MBNL2: variants seen among roughly 807,000 people sequenced by gnomAD.
MBNL2 encodes the protein muscleblind-like protein 2.
Under a neutral mutation model 41.9 loss-of-function variants are expected in MBNL2, and 17 were observed. The ratio of observed to expected loss-of-function variants is 0.41; its 90% confidence interval spans 0.28 to 0.61. The LOEUF (loss-of-function observed/expected upper bound fraction) is 0.61, where lower values mean the gene tolerates loss of function less well. MBNL2 is among the 20% of genes least tolerant of loss of function. MBNL2 has a pLI of 0.35. For missense variants in MBNL2, 336 were observed against 505.6 expected (o/e 0.66, Z 3.22); for synonymous variants, 195 against 182.9 (o/e 1.07, Z -0.53).
chr13:97,331,632 T>C (rs1047676394), intron 2 of MBNL2, among the ~76,000 whole-genome samples: 1 of 152,342 alleles, frequency 6.6e-6, no homozygotes, highest in South Asian at 2.1e-4. Context: ...CAGTTATATA[T>C]GGCCTTGGGA....
intron 1 of MBNL2, among the ~76,000 whole-genome samples, chr13:97,232,247 C>T (rs939840644): frequency 1.3e-4 from 20 of 152,126 alleles, no homozygotes. Context: ...CTGTGTGTCC[C>T]ACATGTGGCC....
At chr13:97,212,374 G>A in the MBNL2 span, among the ~76,000 whole-genome samples, 30 of 152,132 alleles carry the variant, frequency 2.0e-4, no homozygotes, top group African/African-American at 5.3e-4. Context: ...TGGCCCCACG[G>A]TAGAAGCCAC....
At chr13:97,333,947 GAAAGAAA>G in intron 2 of MBNL2, among the ~76,000 whole-genome samples, 1 of 85,184 alleles carries the variant, frequency 1.2e-5, no homozygotes, top group African/African-American at 5.3e-5. Context: ...AGAAAGAAAA[GAAAGAAA>G]GAAGGAAGGA....
intron 2 of MBNL2, among the ~76,000 whole-genome samples, chr13:97,305,484 C>G (rs532243194): frequency 5.1e-4 from 78 of 152,140 alleles, no homozygotes; most frequent in Non-Finnish European, 1.1e-3. Context: ...CCCAAATCAG[C>G]TGGGTATGGT....
the MBNL2 span, among the ~76,000 whole-genome samples, chr13:97,166,356 A>G: frequency 6.6e-6 from 1 of 152,206 alleles, no homozygotes; most frequent in East Asian, 1.9e-4. Flanking sequence ...TGAGACAGGT[A>G]GATAAGGCAT....
the MBNL2 span, among the ~76,000 whole-genome samples, chr13:97,207,674 G>A: frequency 6.3e-3 from 954 of 152,136 alleles, 10 homozygotes; most frequent in African/African-American, 0.022. Flanking sequence ...TCCACCCCTG[G>A]CCCCTCCCAA....
chr13:97,326,283 AT>A (rs1293011832), intron 2 of MBNL2, among the ~76,000 whole-genome samples: 1 of 152,290 alleles, frequency 6.6e-6, no homozygotes, highest in East Asian at 1.9e-4. Context: ...GTCTACCACT[AT>A]TTGTGTTTTT....
chr13:97,196,421 C>T, the MBNL2 span, among the ~76,000 whole-genome samples: 1 of 152,082 alleles, frequency 6.6e-6, no homozygotes, highest in Admixed American at 6.5e-5. Flanking sequence ...TTAAATGGTT[C>T]AGAAAATTTT....
chr13:97,260,883 C>CA (rs1454688579), intron 1 of MBNL2, among the ~76,000 whole-genome samples: 1 of 152,072 alleles, frequency 6.6e-6, no homozygotes, highest in Non-Finnish European at 1.5e-5. Flanking sequence ...CACAGGCCAC[C>CA]AGGCATAAAC....
chr13:97,393,825 C>G lies in MBNL2; in HGVS notation c.*2376C>G, dbSNP rs2066453704. ...AAACAAAAATCACCAATATCCAAGACATGAAGATATCAGTTCAACAAATAC... is the reference window on the plus strand; with the variant it reads ...AAACAAAAATCACCAATATCCAAGAGATGAAGATATCAGTTCAACAAATAC... On this transcript the variant is annotated 3_prime_UTR_variant, in exon 9 of 9. Coordinates refer to ENST00000679496, the MANE Select transcript of MBNL2 (RefSeq NM_001382683.1). 6.6e-6 allele frequency: 1 copy of G among 152,476 alleles called. No individual in the cohort carries two copies. The highest frequency in any genetic ancestry group is 2.4e-5 in the African/African-American group (1 of 41,424). 9.4% of individuals were successfully genotyped at this position (152,476 alleles called of 1,614,324 possible).
Position 97,314,617 on chromosome 13 carries a change from T to C in MBNL2, c.175-19659T>C, listed in dbSNP as rs78460239. ...AATCATGCAATGAATGGATGAATGA[T>C]TGAAAACTGGTAGTCAATGCTGTCC... On this transcript the variant is annotated intron_variant, in intron 2 of 8. Transcript: ENST00000679496. 9.5e-3 allele frequency among the ~76,000 whole-genome samples: 1,443 copies of C among 152,358 alleles called. 31 individuals are homozygous for C. Among genetic ancestry groups the C allele is most frequent in the African/African-American group, 0.033 (1,361 of 41,582 alleles).
intron 1 of MBNL2, among the ~76,000 whole-genome samples, chr13:97,244,624 T>G (rs979055966): frequency 2.9e-4 from 44 of 152,238 alleles, no homozygotes; most frequent in Admixed American, 5.2e-4. Flanking sequence ...ATTGACTTTG[T>G]AATCTCATTC....
At chr13:97,315,635 T>G (rs1333471495) in intron 2 of MBNL2, among the ~76,000 whole-genome samples, 1 of 151,936 alleles carries the variant, frequency 6.6e-6, no homozygotes, top group Non-Finnish European at 1.5e-5. Context: ...GGGACCAAAA[T>G]AGAGGAATGG....
At chr13:97,204,778 T>C in the MBNL2 span, among the ~76,000 whole-genome samples, 1 of 152,116 alleles carries the variant, frequency 6.6e-6, no homozygotes, top group African/African-American at 2.4e-5. Context: ...AATGTAATTG[T>C]CGTCTATTAG....
At chr13:97,161,123 C>T in the MBNL2 span, among the ~76,000 whole-genome samples, 1 of 152,106 alleles carries the variant, frequency 6.6e-6, no homozygotes, top group African/African-American at 2.4e-5. Context: ...CCAGGTGATT[C>T]ATTTGCATAG....
At chr13:97,250,308 C>CA (rs974490438) in intron 1 of MBNL2, among the ~76,000 whole-genome samples, 1 of 152,194 alleles carries the variant, frequency 6.6e-6, no homozygotes, top group Non-Finnish European at 1.5e-5. Flanking sequence ...TTTACTGCAT[C>CA]AAATTCAGGT....
At chr13:97,188,943 C>T in the MBNL2 span, among the ~76,000 whole-genome samples, 1 of 152,190 alleles carries the variant, frequency 6.6e-6, no homozygotes, top group African/African-American at 2.4e-5. Context: ...ACTCATCTGT[C>T]CCTCTGGGAC....
intron 1 of MBNL2, among the ~76,000 whole-genome samples, chr13:97,240,460 TAATA>T (rs2044060041): frequency 6.6e-6 from 1 of 152,158 alleles, no homozygotes; most frequent in Non-Finnish European, 1.5e-5. Flanking sequence ...AAATATACAT[TAATA>T]AATAAGATAT....
chr13:97,338,656 C>A (rs59036109), intron 3 of MBNL2, among the ~76,000 whole-genome samples: 49,027 of 151,966 alleles, frequency 0.32, 8,101 homozygotes, highest in African/African-American at 0.37. Flanking sequence ...GAGCGCGCAC[C>A]GCCTTCATAT....
Sources: gnomAD v4.1 joint callset for allele counts (sites outside exome capture counted in the v4.1 genomes callset) on GRCh38, gnomAD v4.1.1 for gene constraint, MANE v1.5 for transcripts, NCBI Gene and HGNC (gene_info 2026-07-23, HGNC 2026-07-21) for gene names.